Variants in C16orf96 observed in about 807,000 individuals in gnomAD.
The protein encoded by C16orf96 is chromosome 16 open reading frame 96, also known as uncharacterized protein C16orf96.
A neutral mutation model predicts 103.6 loss-of-function variants in C16orf96; 108 were observed. That is an observed-to-expected ratio of 1.04 (90% CI 0.89 to 1.22). C16orf96 has a LOEUF of 1.22. Among genes scored for constraint, C16orf96 ranks in the 50% most tolerant of loss-of-function variants. C16orf96 has a pLI of 0.00. For missense variants in C16orf96, 1,586 were observed against 1,464.2 expected (o/e 1.08, Z -1.36); for synonymous variants, 566 against 593.5 (o/e 0.95, Z 0.67).
At chr16:4,577,048 G>A (rs1262261584) in intron 5 of C16orf96, among the ~76,000 whole-genome samples, 1 of 152,004 alleles carries the variant, frequency 6.6e-6, no homozygotes, top group Non-Finnish European at 1.5e-5. Context: ...AAAATTTGCT[G>A]GGCGTGGTGG....
chr16:4,570,984 C>T (rs770588657), intron 1 of C16orf96, among the ~76,000 whole-genome samples: 10 of 151,998 alleles, frequency 6.6e-5, no homozygotes, highest in South Asian at 2.1e-4. Flanking sequence ...GCCTGAGCAA[C>T]GTGGTGAAAC....
chr16:4,559,013 A>G (rs2059299381), intron 1 of C16orf96, among the ~76,000 whole-genome samples: 1 of 151,964 alleles, frequency 6.6e-6, no homozygotes, highest in South Asian at 2.1e-4. Context: ...TGAGCCTGGA[A>G]GGCAGGTGTT....
At position 4,576,042 on chromosome 16, in the gene C16orf96, A is replaced by T; in HGVS notation, c.1562A>T (p.Asp521Val). The change falls in exon 5 of 16, where the codon GAT (aspartate) becomes GTT (valine). Residue 521 changes from aspartate (D) to valine (V), a missense_variant. Transcript: ENST00000444310. ...GGTGGCAAGGATGTGGACCCCAAGG[A>T]TAGAGCTCACAAGGATGATGTCCCC... ...DRGGKDVDPK[D>V]RAHKDDVPKD... 1.3e-6 allele frequency: 2 copies of T among 1,551,278 alleles called. No homozygotes were observed.
At chr16:4,552,030 G>A (rs1268302517), upstream of C16orf96, among the ~76,000 whole-genome samples, 1 of 151,970 alleles carries the variant, frequency 6.6e-6, no homozygotes. Flanking sequence ...TTCTTTTCCT[G>A]TGTTAGTTTG....
chr16:4,588,380 A>C lies in C16orf96; in HGVS notation c.2592+49A>C, dbSNP rs749452753. ...CACTTTATTCCTAACAAATTAACCC[A>C]GAACTTAGCAACTGCAAACAACAAA... On this transcript the variant is annotated intron_variant, in intron 9 of 15. Coordinates refer to ENST00000444310, the MANE Select transcript of C16orf96 (RefSeq NM_001145011.2). 7.3e-6 allele frequency: 11 copies of C among 1,512,788 alleles called. No homozygotes were observed. In the South Asian group the frequency reaches 1.4e-4, roughly 19 times the overall value. 93.7% of individuals were successfully genotyped at this position (1,512,788 alleles called of 1,614,324 possible).
Position 4,587,114 on chromosome 16 carries a change from G to A in C16orf96, c.2427+1G>A. 6.4e-7 allele frequency: 1 copy of A among 1,551,406 alleles called. No homozygotes were observed. The highest frequency in any genetic ancestry group is 8.7e-7 in the Non-Finnish European group (1 of 1,146,836). On this transcript the variant is annotated splice_donor_variant, in intron 8 of 15. Coordinates refer to ENST00000444310, the MANE Select transcript of C16orf96 (RefSeq NM_001145011.2). LOFTEE classifies it high-confidence loss of function. ...CACGATGGAGGAGGAGCTGAGAGAG[G>A]TGAGTGAGCAGAGGTTCCTCTGCCT...
At chr16:4,556,936 T>C in intron 1 of C16orf96, 27 bp downstream of exon 1, 1 of 1,512,686 alleles carries the variant, frequency 6.6e-7, no homozygotes, top group Non-Finnish European at 8.9e-7. Context: ...CAGACACTTC[T>C]TTTCCTCCCT....
At chr16:4,587,188 C>T (rs1896946740) in intron 8 of C16orf96, 75 bp downstream of exon 8, 1 of 1,345,818 alleles carries the variant, frequency 7.4e-7, no homozygotes, top group Non-Finnish European at 1.0e-6. Context: ...CAAAGCCCAC[C>T]AAAGAGTCTT....
rs1010887171 is a variant in C16orf96 at position 4,571,633 on chromosome 16, G to T, written c.493G>T (p.Glu165Ter). Residue 165 changes from glutamate (E) to a stop codon, truncating the protein, a stop_gained, in exon 2 of 16, where the codon GAA becomes TAA. Transcript: ENST00000444310. LOFTEE classifies it high-confidence loss of function. ...GGTCACCATCACAGCCCTCAGAAAAGAAGTGGACATGCTGAAGAACATGCT... is the reference window on the plus strand; with the variant it reads ...GGTCACCATCACAGCCCTCAGAAAATAAGTGGACATGCTGAAGAACATGCT... Reference protein sequence around the residue: ...LQVTITALRKEVDMLKNMLDK... With the variant: ...LQVTITALRK 4 of 1,552,044 alleles carry T rather than the reference G, an allele frequency of 2.6e-6. No individual in the cohort carries two copies. In the African/African-American group the frequency reaches 4.1e-5, roughly 16 times the overall value.
chr16:4,588,450 A>G, intron 9 of C16orf96, 119 bp downstream of exon 9: 5 of 1,184,578 alleles, frequency 4.2e-6, no homozygotes, highest in Non-Finnish European at 5.8e-6. Flanking sequence ...TGACCCAGCA[A>G]CTTAGCTGGG....
chr16:4,582,908 C>T (rs1464898884), intron 7 of C16orf96, among the ~76,000 whole-genome samples: 4 of 152,130 alleles, frequency 2.6e-5, no homozygotes, highest in Non-Finnish European at 4.4e-5. Context: ...GTCCCAGGAC[C>T]GTTGTCCCAG....
Position 4,575,445 on chromosome 16 carries a change from C to A in C16orf96, c.965C>A (p.Thr322Asn). The A allele has an allele frequency of 6.5e-7, 1 of 1,549,266 alleles. No individual in the cohort carries two copies. The highest frequency in any genetic ancestry group is 8.7e-7 in the Non-Finnish European group (1 of 1,146,950). The change falls in exon 5 of 16, where the codon ACT becomes AAT. Residue 322 changes from threonine (T) to asparagine (N), a missense_variant. By Grantham distance (65) the Thr-to-Asn change is moderately conservative (BLOSUM62 0). Coordinates refer to ENST00000444310, the MANE Select transcript of C16orf96 (RefSeq NM_001145011.2). Reference protein sequence around the residue: ...LTPESAPGCTTEFAPGPAPGT... With the variant: ...LTPESAPGCTNEFAPGPAPGT... ...CCTGAGTCTGCACCTGGGTGCACAA[C>A]TGAATTTGCACCTGGGCCTGCACCT...
chr16:4,597,855 C>T (rs1897206351), intron 14 of C16orf96, among the ~76,000 whole-genome samples: 2 of 152,162 alleles, frequency 1.3e-5, no homozygotes, highest in Non-Finnish European at 2.9e-5. Flanking sequence ...CTGCGCCCGG[C>T]CTCATGTAAC....
chr16:4,575,882 G>T lies in C16orf96; in HGVS notation c.1402G>T (p.Gly468Cys). ...GGAAAATGATGTCCCCAGCCTAAGGGGCCTTCGGGAGAGGGCCCGCAAGGA... is the reference window on the plus strand; with the variant it reads ...GGAAAATGATGTCCCCAGCCTAAGGTGCCTTCGGGAGAGGGCCCGCAAGGA... The part of the protein sequence containing the change: ...GEENDVPSLR[G>C]LRERARKDGA... Residue 468 changes from glycine to cysteine, a missense_variant, in exon 5 of 16, where the codon GGC becomes TGC. Transcript: ENST00000444310. The T allele has an allele frequency of 6.4e-7, 1 of 1,551,578 alleles. No homozygotes were observed. Among genetic ancestry groups the T allele is most frequent in the Non-Finnish European group, 8.7e-7 (1 of 1,146,982 alleles).
In C16orf96 at chr16:4,578,983, A is replaced by G. The variant is rs1270051908; in HGVS notation, c.2199A>G (p.Ile733Met). The change falls in exon 6 of 16, where the codon ATA (isoleucine) becomes ATG (methionine). Residue 733 changes from isoleucine (I) to methionine (M), a missense_variant. Ile to Met is a conservative substitution (Grantham distance 10). Coordinates refer to ENST00000444310, the MANE Select transcript of C16orf96 (RefSeq NM_001145011.2). ...GPSSLGTTVD[I>M]LQKKIGSLQK... ...CCAGCCTCGGGACAACAGTGGACAT[A>G]TTGCAGAAAAAGATTGGCAGCCTCC... 1.9e-6 allele frequency: 3 copies of G among 1,551,344 alleles called. No homozygotes were observed. The highest frequency in any genetic ancestry group is 2.6e-6 in the Non-Finnish European group (3 of 1,146,920).
chr16:4,599,002 C>T (rs1897231003), intron 14 of C16orf96, among the ~76,000 whole-genome samples: 2 of 151,722 alleles, frequency 1.3e-5, no homozygotes, highest in Admixed American at 1.3e-4. Flanking sequence ...ACCTGTAGTC[C>T]CAGCTACTCG....
In C16orf96 at chr16:4,592,318, C is replaced by G. The variant is rs555611882; in HGVS notation, c.2725C>G (p.Arg909Gly). ...TGTGCCTTTCAGGAAGCTGTTCAAG[C>G]GCGTGAAGTGCATCTCCTGTGACCG... ...AAGFRRKLFK[R>G]VKCISCDRPV... is the part of the protein sequence containing the mutation. The change falls in exon 11 of 16, where the codon CGC becomes GGC. Residue 909 changes from arginine (R) to glycine (G), a missense_variant. Physicochemically the swap from Arg to Gly is moderately radical, Grantham distance 125. Transcript: ENST00000444310. The G allele has an allele frequency of 1.3e-6, 2 of 1,551,632 alleles. No homozygotes were observed. Among genetic ancestry groups the G allele is most frequent in the Non-Finnish European group, 1.7e-6 (2 of 1,146,984 alleles).
At position 4,575,163 on chromosome 16, in the gene C16orf96, C is replaced by A. The variant is rs76048912; in HGVS notation, c.694-11C>A. ...GAAGCCAGCAGAGCCCCTCTGCCCC[C>A]TCTTCTGCAGGAAATTGGTTCATCA... On this transcript the variant is annotated splice_polypyrimidine_tract_variant and intron_variant, in intron 4 of 15. Coordinates refer to ENST00000444310, the MANE Select transcript of C16orf96 (RefSeq NM_001145011.2). The A allele has an allele frequency of 6.5e-7, 1 of 1,545,322 alleles. No individual in the cohort carries two copies. The highest frequency in any genetic ancestry group is 8.7e-7 in the Non-Finnish European group (1 of 1,146,358).
chr16:4,571,808 C>T, intron 2 of C16orf96, 143 bp downstream of exon 2: 2 of 651,238 alleles, frequency 3.1e-6, no homozygotes, highest in Non-Finnish European at 5.2e-6. Context: ...TCCAATTGGC[C>T]AGTGCCACCG....
Sources: allele counts gnomAD v4.1 joint callset (sites outside exome capture counted in the v4.1 genomes callset), GRCh38; gene constraint gnomAD v4.1.1; transcripts MANE v1.5; gene names NCBI Gene and HGNC (gene_info 2026-07-23, HGNC 2026-07-21).